SUMF1: variants seen among roughly 807,000 people sequenced by gnomAD.
The protein encoded by SUMF1 is sulfatase modifying factor 1.
SUMF1 carries 48 observed loss-of-function variants against 47.6 expected under a neutral mutation model. The observed-to-expected ratio is 1.01, with a 90% CI of 0.80 to 1.28. SUMF1 has a LOEUF of 1.28. Ranked by LOEUF, SUMF1 falls within the 50% of genes most tolerant of loss-of-function variation. The pLI is 0.00. For synonymous variants in SUMF1, 230 were observed against 192.1 expected (o/e 1.20, Z -1.63); for missense variants, 571 against 485.4 (o/e 1.18, Z -1.66).
chr3:4,375,297 A>G (rs1394775507), intron 8 of SUMF1, among the ~76,000 whole-genome samples: 1 of 152,108 alleles, frequency 6.6e-6, no homozygotes, highest in Non-Finnish European at 1.5e-5. Context: ...CATACATACA[A>G]ACTCACATAT....
chr3:4,455,489 GTGGATCACCTGAGGTCA>G (rs1703128296), intron 1 of SUMF1, among the ~76,000 whole-genome samples: 1 of 152,224 alleles, frequency 6.6e-6, no homozygotes, highest in South Asian at 2.1e-4. Flanking sequence ...GCCGAGGCAG[GTGGATCACCTGAGGTCA>G]AGAATTTCAG....
intron 8 of SUMF1, among the ~76,000 whole-genome samples, chr3:4,215,523 T>C (rs984653975): frequency 2.6e-5 from 4 of 152,246 alleles, no homozygotes; most frequent in Non-Finnish European, 2.9e-5. Context: ...CTATTCAACA[T>C]AGTATTGAAA....
chr3:4,219,909 A>G (rs2125172905), intron 8 of SUMF1, among the ~76,000 whole-genome samples: 1 of 152,286 alleles, frequency 6.6e-6, no homozygotes, highest in East Asian at 1.9e-4. Flanking sequence ...TAAGCCAGAG[A>G]CTAGAATCAC....
At position 4,097,093 on chromosome 3, in the gene SUMF1, A is replaced by G. The variant is rs183422583; in HGVS notation, c.1015-28348T>C. On this transcript the variant is annotated intron_variant and NMD_transcript_variant, in intron 8 of 12. Transcript: ENST00000448413. ...ATTAAAACTTCTGGTTTAGTCAACA[A>G]GACATGTTTGACAATTTCTAGGTTC... Among the ~76,000 whole-genome samples, 7 of 152,278 alleles carry G rather than the reference A, an allele frequency of 4.6e-5. No homozygotes were observed. In the East Asian group the frequency reaches 1.2e-3, roughly 25 times the overall value.
intron 7 of SUMF1, among the ~76,000 whole-genome samples, chr3:4,406,198 C>A (rs1355360169): frequency 6.6e-6 from 1 of 152,098 alleles, no homozygotes; most frequent in Non-Finnish European, 1.5e-5. Context: ...ATAAAGTTTG[C>A]ACATACAATG....
At chr3:4,321,796 T>C (rs1698841677) in intron 8 of SUMF1, among the ~76,000 whole-genome samples, 1 of 152,082 alleles carries the variant, frequency 6.6e-6, no homozygotes, top group Non-Finnish European at 1.5e-5. Context: ...CTATACATAG[T>C]GACTTCCTCC....
intron 1 of SUMF1, among the ~76,000 whole-genome samples, chr3:4,465,565 A>G (rs1268973694): frequency 6.6e-6 from 1 of 152,186 alleles, no homozygotes; most frequent in Non-Finnish European, 1.5e-5. Flanking sequence ...AAGTATGGCC[A>G]ATACACACTA....
chr3:4,218,076 C>A (rs1362535594), intron 8 of SUMF1, among the ~76,000 whole-genome samples: 1 of 151,896 alleles, frequency 6.6e-6, no homozygotes, highest in Non-Finnish European at 1.5e-5. Context: ...AAGGATTTCT[C>A]AGAGGCTTTA....
chr3:4,409,329 G>C (rs576162400), intron 7 of SUMF1, among the ~76,000 whole-genome samples: 7 of 152,314 alleles, frequency 4.6e-5, no homozygotes, highest in Admixed American at 3.9e-4. Flanking sequence ...GGGACAAAGA[G>C]AAACCTAAAA....
At chr3:4,218,441 C>A (rs2125171503) in intron 8 of SUMF1, among the ~76,000 whole-genome samples, 1 of 152,040 alleles carries the variant, frequency 6.6e-6, no homozygotes, top group East Asian at 1.9e-4. Context: ...TAAGATAAAG[C>A]ATTTCATTGT....
At chr3:4,466,306 T>C (rs1486195346) in intron 1 of SUMF1, among the ~76,000 whole-genome samples, 1 of 151,998 alleles carries the variant, frequency 6.6e-6, no homozygotes, top group Non-Finnish European at 1.5e-5. Context: ...GAGACGGGGT[T>C]TCGCCATGTT....
chr3:4,213,429 G>T (rs1418363087), intron 8 of SUMF1, among the ~76,000 whole-genome samples: 2 of 152,120 alleles, frequency 1.3e-5, no homozygotes, highest in Non-Finnish European at 2.9e-5. Flanking sequence ...ACATGGAAAG[G>T]AACAACCAGT....
At chr3:4,097,554 A>AAAAAAC (rs1692934713) in intron 8 of SUMF1, among the ~76,000 whole-genome samples, 1 of 152,116 alleles carries the variant, frequency 6.6e-6, no homozygotes. Flanking sequence ...CCCTGTCTCA[A>AAAAAAC]AAAAACAAAA....
At chr3:4,137,789 G>T (rs181169972) in intron 8 of SUMF1, among the ~76,000 whole-genome samples, 50 of 151,972 alleles carry the variant, frequency 3.3e-4, no homozygotes, top group African/African-American at 1.1e-3. Context: ...ATTTACCACT[G>T]TACTGGAGGT....
chr3:4,166,417 G>A (rs1261250606), intron 8 of SUMF1, among the ~76,000 whole-genome samples: 1 of 152,128 alleles, frequency 6.6e-6, no homozygotes, highest in Non-Finnish European at 1.5e-5. Flanking sequence ...TGTTAGGCCT[G>A]CTAGTCTGAG....
At chr3:4,348,026 G>C (rs1575117283) in intron 8 of SUMF1, among the ~76,000 whole-genome samples, 1 of 152,174 alleles carries the variant, frequency 6.6e-6, no homozygotes, top group African/African-American at 2.4e-5. Context: ...GGAAATAAGA[G>C]AGGACACAAA....
chr3:4,229,884 G>A (rs976988334), intron 8 of SUMF1, among the ~76,000 whole-genome samples: 3 of 151,944 alleles, frequency 2.0e-5, no homozygotes, highest in African/African-American at 7.2e-5. Flanking sequence ...AAGGTGGCAT[G>A]CACCTAGAGT....
chr3:4,107,610 A>G (rs900171875), intron 8 of SUMF1, among the ~76,000 whole-genome samples: 2 of 152,122 alleles, frequency 1.3e-5, no homozygotes, highest in Admixed American at 6.5e-5. Context: ...CTGACATTCA[A>G]TGATCAGCCA....
At chr3:4,125,825 C>G (rs1693643818) in intron 8 of SUMF1, among the ~76,000 whole-genome samples, 1 of 152,100 alleles carries the variant, frequency 6.6e-6, no homozygotes, top group African/African-American at 2.4e-5. Context: ...TACAGGTGTG[C>G]ATGACCACAT....
Sources: gnomAD v4.1 joint callset for allele counts (sites outside exome capture counted in the v4.1 genomes callset) on GRCh38, gnomAD v4.1.1 for gene constraint, MANE v1.5 for transcripts, NCBI Gene and HGNC (gene_info 2026-07-23, HGNC 2026-07-21) for gene names.